Variants in BARD1 observed in about 807,000 individuals in gnomAD.
The protein encoded by BARD1 is BRCA1-associated RING domain protein 1.
A neutral mutation model predicts 77.0 loss-of-function variants in BARD1; 73 were observed. The observed-to-expected ratio is 0.95, with a 90% CI of 0.79 to 1.15. The LOEUF is 1.15. Among genes scored for constraint, BARD1 ranks in the 50% most tolerant of loss-of-function variants. The pLI is 0.00. For missense variants in BARD1, 993 were observed against 938.8 expected, an observed-to-expected ratio of 1.06 and a Z score of -0.75; for synonymous variants, 384 against 338.0, an observed-to-expected ratio of 1.14 and a Z score of -1.49.
At chr2:214,775,215 C>T (rs1694686528) in intron 4 of BARD1, among the ~76,000 whole-genome samples, 5 of 152,160 alleles carry the variant, frequency 3.3e-5, no homozygotes, top group Admixed American at 3.3e-4. Context: ...TCTCAACTTT[C>T]AACATGCCTT....
intron 6 of BARD1, among the ~76,000 whole-genome samples, chr2:214,757,441 C>T (rs369866907): frequency 6.6e-6 from 1 of 152,006 alleles, no homozygotes. Flanking sequence ...GTTCATGTGT[C>T]ATTGCTTTTT....
intron 4 of BARD1, among the ~76,000 whole-genome samples, chr2:214,774,432 G>C (rs1389843992): frequency 6.6e-6 from 1 of 152,196 alleles, no homozygotes; most frequent in Non-Finnish European, 1.5e-5. Flanking sequence ...TTTGTTGGGA[G>C]ACATGAAAAC....
At chr2:214,791,447 T>A (rs1321009175) in intron 3 of BARD1, among the ~76,000 whole-genome samples, 1 of 152,182 alleles carries the variant, frequency 6.6e-6, no homozygotes, top group Non-Finnish European at 1.5e-5. Context: ...AAGAACACGT[T>A]CTTCTACAAA....
At chr2:214,771,987 A>G (rs1389637885) in intron 4 of BARD1, among the ~76,000 whole-genome samples, 1 of 150,566 alleles carries the variant, frequency 6.6e-6, no homozygotes, top group Non-Finnish European at 1.5e-5. Flanking sequence ...TTCTACTTCT[A>G]GAGCAAGTTA....
intron 1 of BARD1, among the ~76,000 whole-genome samples, chr2:214,803,188 G>A (rs1173117880): frequency 1.7e-5 from 2 of 119,686 alleles, no homozygotes; most frequent in African/African-American, 3.5e-5. Flanking sequence ...AAACACTGCG[G>A]AAGGACCCCT....
intron 3 of BARD1, among the ~76,000 whole-genome samples, chr2:214,782,320 T>G (rs1347110194): frequency 6.6e-6 from 1 of 152,128 alleles, no homozygotes; most frequent in Non-Finnish European, 1.5e-5. Context: ...TGATTTAATG[T>G]GTTAAGTCAG....
At chr2:214,749,189 A>G (rs1693283902) in intron 7 of BARD1, among the ~76,000 whole-genome samples, 1 of 151,898 alleles carries the variant, frequency 6.6e-6, no homozygotes, top group African/African-American at 2.4e-5. Flanking sequence ...CCTGGAAAAA[A>G]AAAAAAAAAC....
rs187597851 is a variant in BARD1 at position 214,794,665 on chromosome 2, G to A, written c.216-2220C>T. 3.1e-3 allele frequency among the ~76,000 whole-genome samples: 469 copies of A among 152,228 alleles called. 10 individuals carry two copies. Among genetic ancestry groups the A allele is most frequent in the Admixed American group, 0.029 (444 of 15,284 alleles). ...TTTATGGTTCTCAATTCTGAAGAAT[G>A]CTCAAAATGTTTGAGCACCCCTGCC... On this transcript the variant is annotated intron_variant, in intron 2 of 10. Coordinates refer to ENST00000260947, the MANE Select transcript of BARD1 (RefSeq NM_000465.4).
At chr2:214,777,451 A>G (rs1694784248) in intron 4 of BARD1, among the ~76,000 whole-genome samples, 1 of 152,206 alleles carries the variant, frequency 6.6e-6, no homozygotes, top group Admixed American at 6.5e-5. Flanking sequence ...CTCGGTGCAT[A>G]CACCAAGGAT....
Position 214,728,557 on chromosome 2 carries a change from C to G in BARD1, c.*119G>C. 1.6e-6 allele frequency: 1 copy of G among 641,668 alleles called. No homozygotes were observed. The highest frequency in any genetic ancestry group is 3.1e-5 in the South Asian group (1 of 31,882). 39.7% of individuals were successfully genotyped at this position (641,668 alleles called of 1,614,324 possible). A position where few individuals can be genotyped will look rare whatever the true frequency, so the allele number is the denominator to read the frequency against. ...TTAGACTTTTTTTTTTTTTTTGATT[C>G]AAAGACAAATATGAATGACTCTACC... On this transcript the variant is annotated 3_prime_UTR_variant, in exon 11 of 11. Coordinates refer to ENST00000260947, the MANE Select transcript of BARD1 (RefSeq NM_000465.4).
At chr2:214,746,176 A>C (rs541201073) in intron 7 of BARD1, among the ~76,000 whole-genome samples, 1 of 152,250 alleles carries the variant, frequency 6.6e-6, no homozygotes, top group South Asian at 2.1e-4. Flanking sequence ...TAAAATATCC[A>C]CTTAAAATCA....
chr2:214,801,073 A>G (rs1695995225), intron 1 of BARD1, among the ~76,000 whole-genome samples: 1 of 152,248 alleles, frequency 6.6e-6, no homozygotes, highest in South Asian at 2.1e-4. Context: ...CATAGAACTC[A>G]GGGGTGATGA....
intron 7 of BARD1, among the ~76,000 whole-genome samples, chr2:214,749,276 T>G (rs1415370887): frequency 6.6e-6 from 1 of 152,036 alleles, no homozygotes; most frequent in Non-Finnish European, 1.5e-5. Context: ...CCCATGTGAC[T>G]GAAAAAGAGT....
chr2:214,753,317 G>A (rs1376877203), intron 6 of BARD1, among the ~76,000 whole-genome samples: 1 of 152,132 alleles, frequency 6.6e-6, no homozygotes, highest in Admixed American at 6.5e-5. Flanking sequence ...TAAGTAACTT[G>A]TTAAAACTAA....
intron 6 of BARD1, among the ~76,000 whole-genome samples, chr2:214,766,562 C>A (rs1233549071): frequency 6.6e-6 from 1 of 152,046 alleles, no homozygotes; most frequent in Non-Finnish European, 1.5e-5. Context: ...AAATCTCCCC[C>A]AAATATGTCA....
intron 9 of BARD1, among the ~76,000 whole-genome samples, 180 bp from the exon 10 acceptor site, chr2:214,730,688 C>T (rs1692317019): frequency 6.6e-6 from 1 of 152,046 alleles, no homozygotes; most frequent in African/African-American, 2.4e-5. Context: ...AACTGGTTTT[C>T]CCATATAAAG....
rs1574703626 is a variant in BARD1, at chr2:214,728,940, G to A, written c.2070C>T (p.Asn690=). The change falls in exon 11 of 11, where the codon AAC becomes AAT. Residue 690 remains asparagine (N), a synonymous_variant. Transcript: ENST00000260947. ...CACCTGCAGTGACGAGCTTAATAAG[G>A]TTGTCCTTTGGATGGTGTTTGAAGG... ...WGTFKHHPKD[N]LIKLVTAGGG... The A allele has an allele frequency of 6.2e-7, 1 of 1,614,158 alleles. No individual in the cohort carries two copies. Among genetic ancestry groups the A allele is most frequent in the Non-Finnish European group, 8.5e-7 (1 of 1,180,022 alleles).
chr2:214,786,820 T>G (rs1695295539), intron 3 of BARD1, among the ~76,000 whole-genome samples: 2 of 151,932 alleles, frequency 1.3e-5, no homozygotes, highest in Non-Finnish European at 1.5e-5. Flanking sequence ...GTCCACAAAG[T>G]GTTATTAAGA....
At chr2:214,729,398 T>A (rs937744017) in intron 10 of BARD1, among the ~76,000 whole-genome samples, 4 of 152,210 alleles carry the variant, frequency 2.6e-5, no homozygotes, top group African/African-American at 9.7e-5. Flanking sequence ...AAGTTTTGGA[T>A]TTTGGAGCAT....
Sources: allele counts gnomAD v4.1 joint callset (sites outside exome capture counted in the v4.1 genomes callset), GRCh38; gene constraint gnomAD v4.1.1; transcripts MANE v1.5; gene names NCBI Gene and HGNC (gene_info 2026-07-23, HGNC 2026-07-21).